The following CNTNAP2 variants were observed in gnomAD, a reference collection of about 807,000 sequenced individuals.
CNTNAP2 encodes contactin associated protein 2.
In CNTNAP2, 98 loss-of-function variants were observed where a neutral mutation model predicts 155.2. That is an observed-to-expected ratio of 0.63 (90% CI 0.54 to 0.75). CNTNAP2 has a LOEUF of 0.75. Among genes scored for constraint, CNTNAP2 ranks in the 30% least tolerant of loss-of-function variants. The pLI is 0.00. For missense variants in CNTNAP2, 1,727 were observed against 1,688.1 expected (o/e 1.02, Z -0.40); for synonymous variants, 651 against 631.2 (o/e 1.03, Z -0.47).
chr7:146,900,830 C>T (rs1288352582), intron 3 of CNTNAP2, among the ~76,000 whole-genome samples: 3 of 152,098 alleles, frequency 2.0e-5, no homozygotes, highest in South Asian at 4.1e-4. Flanking sequence ...CTACCTGCAC[C>T]GAGTCTCTTG....
chr7:146,219,841 A>T (rs1799177982), intron 1 of CNTNAP2, among the ~76,000 whole-genome samples: 1 of 152,212 alleles, frequency 6.6e-6, no homozygotes, highest in Non-Finnish European at 1.5e-5. Flanking sequence ...GTAGACTGAC[A>T]TTATTATTTT....
intron 12 of CNTNAP2, among the ~76,000 whole-genome samples, chr7:147,622,329 T>C (rs1794875057): frequency 6.6e-6 from 1 of 151,994 alleles, no homozygotes; most frequent in Admixed American, 6.6e-5. Flanking sequence ...TGGCTACAGA[T>C]CACACATTCT....
intron 15 of CNTNAP2, among the ~76,000 whole-genome samples, chr7:148,090,003 G>T (rs556007765): frequency 1.3e-5 from 2 of 151,800 alleles, no homozygotes; most frequent in African/African-American, 2.4e-5. Context: ...TTTGACAAAG[G>T]TGCCAAAATT....
At chr7:147,163,896 T>A (rs986969610) in intron 8 of CNTNAP2, among the ~76,000 whole-genome samples, 2 of 152,188 alleles carry the variant, frequency 1.3e-5, no homozygotes, top group Non-Finnish European at 2.9e-5. Flanking sequence ...TTGTATAAGA[T>A]TGAATTTACA....
intron 9 of CNTNAP2, among the ~76,000 whole-genome samples, chr7:147,373,783 T>C (rs910010383): frequency 6.6e-6 from 1 of 152,092 alleles, no homozygotes; most frequent in African/African-American, 2.4e-5. Flanking sequence ...TTTTTCTGTT[T>C]GTTTTTTGCT....
At chr7:146,641,459 C>T (rs191644594) in intron 1 of CNTNAP2, among the ~76,000 whole-genome samples, 34 of 152,246 alleles carry the variant, frequency 2.2e-4, no homozygotes, top group Middle Eastern at 3.4e-3. Context: ...ATAATGTAGG[C>T]CATATTTTAT....
At chr7:147,347,670 CTG>C (rs1795901211) in intron 9 of CNTNAP2, among the ~76,000 whole-genome samples, 1 of 151,574 alleles carries the variant, frequency 6.6e-6, no homozygotes, top group Non-Finnish European at 1.5e-5. Context: ...TTCACAGAAA[CTG>C]AAAAAAATTC....
chr7:147,945,015 A>G (rs1800793542), intron 14 of CNTNAP2, among the ~76,000 whole-genome samples: 1 of 152,240 alleles, frequency 6.6e-6, no homozygotes, highest in East Asian at 1.9e-4. Flanking sequence ...AAATACACAG[A>G]AAAAAATATA....
At chr7:148,414,833 C>CAA (rs1202169060) in intron 23 of CNTNAP2, 2 of 162,802 alleles carry the variant, frequency 1.2e-5, no homozygotes, top group East Asian at 3.4e-4. Context: ...GGACTATAAA[C>CAA]ATCTCCCAGC....
In CNTNAP2 at chr7:148,252,381, A is replaced by C. The variant is rs182867079; in HGVS notation, c.3382-14652A>C. Among the ~76,000 whole-genome samples the C allele has an allele frequency of 6.6e-5, 10 of 152,182 alleles. No individual in the cohort carries two copies. The East Asian group carries it at 1.7e-3, about 27-fold the overall frequency. On this transcript the variant is annotated intron_variant, in intron 20 of 23. Coordinates refer to ENST00000361727, the MANE Select transcript of CNTNAP2 (RefSeq NM_014141.6). Reference sequence around the variant, plus strand: ...CAGGTCACCTTGAGCCACAATTTTCACCAACCTTTCCTCTCTGATGGAAAT... The same window carrying C: ...CAGGTCACCTTGAGCCACAATTTTCCCCAACCTTTCCTCTCTGATGGAAAT...
chr7:148,206,017 G>C (rs1215043709), intron 18 of CNTNAP2, among the ~76,000 whole-genome samples: 1 of 151,540 alleles, frequency 6.6e-6, no homozygotes, highest in East Asian at 1.9e-4. Context: ...TATGCATATA[G>C]GCATATACAC....
intron 1 of CNTNAP2, among the ~76,000 whole-genome samples, chr7:146,205,931 A>T (rs1214978111): frequency 2.6e-5 from 4 of 151,922 alleles, no homozygotes; most frequent in Admixed American, 6.6e-5. Context: ...GGCTACCAAC[A>T]TAGCAAAATT....
chr7:147,822,809 G>A (rs563826718), intron 13 of CNTNAP2, among the ~76,000 whole-genome samples: 69 of 152,236 alleles, frequency 4.5e-4, no homozygotes, highest in Non-Finnish European at 8.1e-4. Context: ...CAAAAATATG[G>A]CTGCCGTTTA....
chr7:146,936,822 C>A (rs910559999), intron 3 of CNTNAP2, among the ~76,000 whole-genome samples: 1 of 152,168 alleles, frequency 6.6e-6, no homozygotes, highest in African/African-American at 2.4e-5. Flanking sequence ...TTCTGTAGGC[C>A]ACTTCCCTTT....
chr7:146,406,688 A>C (rs1414407682), intron 1 of CNTNAP2, among the ~76,000 whole-genome samples: 1 of 152,168 alleles, frequency 6.6e-6, no homozygotes, highest in Non-Finnish European at 1.5e-5. Context: ...GGCATCACAC[A>C]GAGGGGACTA....
At chr7:146,990,268 A>T (rs1798187441) in intron 3 of CNTNAP2, among the ~76,000 whole-genome samples, 1 of 152,122 alleles carries the variant, frequency 6.6e-6, no homozygotes, top group African/African-American at 2.4e-5. Flanking sequence ...AGTTGCTAGG[A>T]CACTTAGTTC....
chr7:147,549,210 A>G (rs1008183441), intron 11 of CNTNAP2, among the ~76,000 whole-genome samples: 1 of 152,178 alleles, frequency 6.6e-6, no homozygotes, highest in South Asian at 2.1e-4. Context: ...CATTTTCATG[A>G]TAATGATTCT....
chr7:146,548,212 G>A (rs1371714661), intron 1 of CNTNAP2, among the ~76,000 whole-genome samples: 1 of 151,920 alleles, frequency 6.6e-6, no homozygotes, highest in African/African-American at 2.4e-5. Context: ...GTGAGAACAT[G>A]TGGTATTTGG....
intron 13 of CNTNAP2, among the ~76,000 whole-genome samples, chr7:147,689,024 G>A (rs1796052768): frequency 6.6e-6 from 1 of 151,810 alleles, no homozygotes; most frequent in Non-Finnish European, 1.5e-5. Flanking sequence ...ATAATTCCAA[G>A]TTTCTGGATC....
Sources: gnomAD v4.1 joint callset for allele counts (sites outside exome capture counted in the v4.1 genomes callset) on GRCh38, gnomAD v4.1.1 for gene constraint, MANE v1.5 for transcripts, NCBI Gene and HGNC (gene_info 2026-07-23, HGNC 2026-07-21) for gene names.